Variants in AASS observed in about 807,000 individuals in gnomAD.
AASS encodes alpha-aminoadipic semialdehyde synthase, mitochondrial.
AASS carries 86 observed loss-of-function variants against 105.4 expected under a neutral mutation model. The ratio of observed to expected loss-of-function variants is 0.82; its 90% confidence interval spans 0.69 to 0.98. The LOEUF is 0.98. AASS is among the 50% of genes least tolerant of loss of function. AASS has a pLI of 0.00. For synonymous variants in AASS, 381 were observed against 394.8 expected, an observed-to-expected ratio of 0.96 and a Z score of 0.41; for missense variants, 1,048 against 1,143.2, an observed-to-expected ratio of 0.92 and a Z score of 1.20.
intron 1 of AASS, among the ~76,000 whole-genome samples, chr7:122,137,338 A>T (rs1356280897): frequency 6.6e-6 from 1 of 152,188 alleles, no homozygotes; most frequent in Non-Finnish European, 1.5e-5. Flanking sequence ...CTTCTTTGCC[A>T]AAGCCTACAG....
rs1252971771 is a variant in AASS, at chr7:122,073,895, G to A, written c.*2594C>T. ...GTTTTCAAGGTTTTTCCATGTTGTG[G>A]TGCATATCAGTACTTCATCTCTTTT... On this transcript the variant is annotated 3_prime_UTR_variant, in exon 24 of 24. Transcript: ENST00000417368. Among the ~76,000 whole-genome samples the A allele has an allele frequency of 2.6e-5, 4 of 152,032 alleles. No individual in the cohort carries two copies. The highest frequency in any genetic ancestry group is 5.9e-5 in the Non-Finnish European group (4 of 68,022).
chr7:122,116,896 T>C lies in AASS; in HGVS notation c.749A>G (p.Glu250Gly). The change falls in exon 7 of 24, where the codon GAA (glutamate) becomes GGA (glycine). Residue 250 changes from glutamate (E) to glycine (G), a missense_variant. Glu to Gly is a moderately conservative substitution (Grantham distance 98, BLOSUM62 -2). Coordinates refer to ENST00000417368, the MANE Select transcript of AASS (RefSeq NM_005763.4). ...CEYVEPHELK[E>G]VSQTGDLRKV... ...TCCCTTACCTCCAGTTTGGGAAACT[T>C]CTTTTAATTCATGGGGCTCCACATA... The C allele has an allele frequency of 6.2e-7, 1 of 1,614,088 alleles. No homozygotes were observed. The highest frequency in any genetic ancestry group is 1.1e-5 in the South Asian group (1 of 91,086).
intron 11 of AASS, among the ~76,000 whole-genome samples, chr7:122,108,712 C>T (rs928208983): frequency 1.3e-5 from 2 of 151,994 alleles, no homozygotes; most frequent in African/African-American, 2.4e-5. Flanking sequence ...CCACAGCTAA[C>T]ATCATACTGA....
intron 4 of AASS, among the ~76,000 whole-genome samples, chr7:122,121,014 C>T (rs61440484): frequency 3.3e-5 from 5 of 152,006 alleles, no homozygotes; most frequent in Admixed American, 2.6e-4. Flanking sequence ...ATTGATATAG[C>T]TAAATTTAAA....
At chr7:122,121,191 T>G (rs1795427295) in intron 4 of AASS, among the ~76,000 whole-genome samples, 1 of 152,134 alleles carries the variant, frequency 6.6e-6, no homozygotes, top group African/African-American at 2.4e-5. Context: ...TGTTCTAGGT[T>G]ACCATATGCA....
chr7:122,113,086 A>G, intron 11 of AASS, 32 bp downstream of exon 11: 1 of 1,528,930 alleles, frequency 6.5e-7, no homozygotes. Context: ...TTAAAGCCAC[A>G]GAGTTGTTAC....
intron 14 of AASS, 39 bp from the exon 15 acceptor site, chr7:122,098,615 A>G (rs1204641458): frequency 6.3e-7 from 1 of 1,592,888 alleles, no homozygotes; most frequent in Non-Finnish European, 8.6e-7. Flanking sequence ...TAGATATGTC[A>G]GAGTAAAATA....
chr7:122,100,682 C>T (rs1794384333), intron 13 of AASS, among the ~76,000 whole-genome samples: 1 of 151,726 alleles, frequency 6.6e-6, no homozygotes, highest in African/African-American at 2.4e-5. Context: ...GATATAAACA[C>T]AGATCAAGGG....
intron 15 of AASS, among the ~76,000 whole-genome samples, chr7:122,094,862 T>C (rs561728188): frequency 3.3e-5 from 5 of 152,144 alleles, no homozygotes; most frequent in Admixed American, 2.6e-4. Flanking sequence ...ATGTAATACA[T>C]GGGCCATCTT....
At chr7:122,103,572 ACTATGGCACT>A (rs905032662) in intron 11 of AASS, among the ~76,000 whole-genome samples, 17 of 152,050 alleles carry the variant, frequency 1.1e-4, no homozygotes, top group African/African-American at 4.1e-4. Flanking sequence ...CCCTGATACT[ACTATGGCACT>A]CTGCAAAACA....
intron 15 of AASS, among the ~76,000 whole-genome samples, chr7:122,094,652 A>G (rs1046172014): frequency 6.6e-6 from 1 of 152,296 alleles, no homozygotes; most frequent in Non-Finnish European, 1.5e-5. Flanking sequence ...TGAAAATTTG[A>G]TATCTTGTGA....
At position 122,073,976 on chromosome 7, in the gene AASS, G is replaced by A. The variant is rs1318020774; in HGVS notation, c.*2513C>T. On this transcript the variant is annotated 3_prime_UTR_variant, in exon 24 of 24. Coordinates refer to ENST00000417368, the MANE Select transcript of AASS (RefSeq NM_005763.4). ...TATGCCACGTTTTGTTTATTCACTTGTTAGTTGATAGAAATTAGGGCTGTT... is the reference window on the plus strand; with the variant it reads ...TATGCCACGTTTTGTTTATTCACTTATTAGTTGATAGAAATTAGGGCTGTT... 6.6e-6 allele frequency among the ~76,000 whole-genome samples: 1 copy of A among 151,908 alleles called. No homozygotes were observed. The highest frequency in any genetic ancestry group is 1.5e-5 in the Non-Finnish European group (1 of 67,998).
intron 11 of AASS, among the ~76,000 whole-genome samples, chr7:122,105,752 A>G (rs1442034675): frequency 2.0e-5 from 3 of 152,048 alleles, no homozygotes; most frequent in Non-Finnish European, 4.4e-5. Context: ...AGTTTATAGC[A>G]ATTTTGAAAT....
chr7:122,084,131 T>A (rs969035916), intron 19 of AASS, among the ~76,000 whole-genome samples: 3 of 152,108 alleles, frequency 2.0e-5, no homozygotes, highest in Admixed American at 2.0e-4. Flanking sequence ...TTTGAACAAA[T>A]TGAAGAAAAT....
chr7:122,105,573 G>A (rs78595993), intron 11 of AASS, among the ~76,000 whole-genome samples: 2,564 of 152,006 alleles, frequency 0.017, 31 homozygotes, highest in Non-Finnish European at 0.024. Flanking sequence ...AATAACAAGA[G>A]AAACTTTGGA....
chr7:122,125,325 G>T (rs965315275), intron 4 of AASS, among the ~76,000 whole-genome samples: 1 of 152,138 alleles, frequency 6.6e-6, no homozygotes, highest in Non-Finnish European at 1.5e-5. Context: ...TAAGCAGAAT[G>T]ACATAAGCCA....
chr7:122,109,297 C>T (rs1370280212), intron 11 of AASS, among the ~76,000 whole-genome samples: 2 of 143,734 alleles, frequency 1.4e-5, no homozygotes, highest in East Asian at 4.0e-4. Flanking sequence ...ATAGAAAAGA[C>T]AATCCTAAAA....
chr7:122,118,216 T>C, intron 6 of AASS, 91 bp downstream of exon 6: 1 of 1,467,958 alleles, frequency 6.8e-7, no homozygotes, highest in South Asian at 1.2e-5. Context: ...CTCCAGTCCA[T>C]TTGAAATACC....
Position 122,104,923 on chromosome 7 carries a change from T to C in AASS, c.1279-3243A>G, listed in dbSNP as rs1057300843. On this transcript the variant is annotated intron_variant, in intron 11 of 23. Transcript: ENST00000417368. ...AAAACTGCACATGTACCCCCGAACCTAAAATAAAAGTTGCAAAGAGAAAAA... is the reference window on the plus strand; with the variant it reads ...AAAACTGCACATGTACCCCCGAACCCAAAATAAAAGTTGCAAAGAGAAAAA... Among the ~76,000 whole-genome samples the C allele has an allele frequency of 2.0e-5, 3 of 151,316 alleles. No homozygotes were observed. In the East Asian group the frequency reaches 5.8e-4, roughly 29 times the overall value.
Sources: gnomAD v4.1 joint callset for allele counts (sites outside exome capture counted in the v4.1 genomes callset) on GRCh38, gnomAD v4.1.1 for gene constraint, MANE v1.5 for transcripts, NCBI Gene and HGNC (gene_info 2026-07-23, HGNC 2026-07-21) for gene names.